The following RPTOR variants were observed in gnomAD, a reference collection of about 807,000 sequenced individuals.
RPTOR encodes the protein regulatory-associated protein of mTOR.
RPTOR carries 21 observed loss-of-function variants against 169.9 expected under a neutral mutation model. The observed-to-expected ratio is 0.12, with a 90% CI of 0.09 to 0.18. The LOEUF is 0.18. Among genes scored for constraint, RPTOR ranks in the 10% least tolerant of loss-of-function variants. The pLI is 1.00. For synonymous variants in RPTOR, 732 were observed against 753.2 expected, an observed-to-expected ratio of 0.97 and a Z score of 0.46; for missense variants, 1,133 against 1,855.9, an observed-to-expected ratio of 0.61 and a Z score of 7.16.
At chr17:80,942,961 G>A (rs1306819031) in intron 25 of RPTOR, among the ~76,000 whole-genome samples, 3 of 152,262 alleles carry the variant, frequency 2.0e-5, no homozygotes, top group African/African-American at 7.2e-5. Flanking sequence ...AGGGTAACAC[G>A]GTGCTGCCGC....
At chr17:80,753,064 C>G (rs574975231) in intron 5 of RPTOR, among the ~76,000 whole-genome samples, 1 of 152,298 alleles carries the variant, frequency 6.6e-6, no homozygotes, top group Admixed American at 6.5e-5. Context: ...AACACCTCAC[C>G]TTTCTCCCTG....
In RPTOR at chr17:80,844,524, C is replaced by G. The variant is rs956266354; in HGVS notation, c.1213-1949C>G. ...GTACTTAACGAGATTTTTTTTTAAC[C>G]AATTTATGAATAATTCACACTTGAA... On this transcript the variant is annotated intron_variant, in intron 10 of 33. Transcript: ENST00000306801. The surrounding 1 kb of genome is among the most constrained non-coding windows in gnomAD (Gnocchi z 4.7). Among the ~76,000 whole-genome samples, 2 of 152,048 alleles carry G rather than the reference C, an allele frequency of 1.3e-5. No homozygotes were observed. The highest frequency in any genetic ancestry group is 2.9e-5 in the Non-Finnish European group (2 of 68,016).
chr17:80,580,708 G>A (rs1340000387), intron 1 of RPTOR, among the ~76,000 whole-genome samples: 1 of 152,064 alleles, frequency 6.6e-6, no homozygotes. Context: ...CTGTAGCCTC[G>A]AACTCCTCAG....
rs2068213525 is a variant in RPTOR at position 80,883,970 on chromosome 17, G to A, written c.1840G>A (p.Glu614Lys). The A allele has an allele frequency of 3.1e-6, 5 of 1,607,080 alleles. No individual in the cohort carries two copies. Among genetic ancestry groups the A allele is most frequent in the Non-Finnish European group, 4.3e-6 (5 of 1,175,706 alleles). The change falls in exon 16 of 34, where the codon GAG becomes AAG. Residue 614 changes from glutamate to lysine, a missense_variant and splice_region_variant. This residue lies in a region of RPTOR where 289 missense variants were observed against 585.8 expected (regional missense o/e 0.49). Transcript: ENST00000306801. The stretch of plus-strand genomic sequence containing the variant: ...CAGCCTCCTCTCCGACCCCATTCCC[G>A]AGGTGAGTCAGGCGGGGGCTCAGAG... ...LYSLLSDPIP[E>K]VRCAAVFALG...
chr17:80,692,222 C>G (rs912178098), intron 3 of RPTOR, among the ~76,000 whole-genome samples: 2 of 152,166 alleles, frequency 1.3e-5, no homozygotes, highest in African/African-American at 4.8e-5. Context: ...AGCCATCCTC[C>G]CACCTCAGCC....
In RPTOR at chr17:80,892,992, C is replaced by G; in HGVS notation, c.2242+123C>G. On this transcript the variant is annotated intron_variant, in intron 19 of 33. Coordinates refer to ENST00000306801, the MANE Select transcript of RPTOR (RefSeq NM_020761.3). ...TCGTCTAAGTGCGTGCCCTGAAGTCCCATCTGCCAACATGGTGATGAGTCA... is the reference window on the plus strand; with the variant it reads ...TCGTCTAAGTGCGTGCCCTGAAGTCGCATCTGCCAACATGGTGATGAGTCA... 4.2e-6 allele frequency: 5 copies of G among 1,190,106 alleles called. 1 individual carries two copies. In the Middle Eastern group the frequency reaches 6.1e-4, roughly 145 times the overall value. The allele number at this position is 1,190,106 out of a possible 1,614,324, so 73.7% of individuals were successfully genotyped here.
intron 28 of RPTOR, among the ~76,000 whole-genome samples, chr17:80,951,432 C>T (rs185143926): frequency 6.9e-4 from 105 of 152,302 alleles, no homozygotes; most frequent in African/African-American, 2.4e-3. Context: ...TCAGGGGTCT[C>T]GGGGTCAGAG....
At chr17:80,814,622 C>CCATT (rs1379843309) in intron 7 of RPTOR, among the ~76,000 whole-genome samples, 7 of 152,132 alleles carry the variant, frequency 4.6e-5, no homozygotes, top group Non-Finnish European at 1.0e-4. Flanking sequence ...GGGGATTCAC[C>CCATT]CATTGGCTCA....
intron 3 of RPTOR, among the ~76,000 whole-genome samples, chr17:80,696,383 A>T (rs2066036452): frequency 6.6e-6 from 1 of 152,226 alleles, no homozygotes; most frequent in African/African-American, 2.4e-5. Flanking sequence ...CCCAATAAAA[A>T]TTTAACTCTG....
At chr17:80,885,204 C>G (rs2016817) in intron 17 of RPTOR, 56 bp downstream of exon 17, 3 of 1,533,144 alleles carry the variant, frequency 2.0e-6, no homozygotes, top group Non-Finnish European at 2.6e-6. Flanking sequence ...CCCCGTGACA[C>G]CTGGGGCCAA....
chr17:80,818,452 C>T (rs933815308), intron 7 of RPTOR, among the ~76,000 whole-genome samples: 3 of 152,158 alleles, frequency 2.0e-5, no homozygotes, highest in Non-Finnish European at 2.9e-5. Context: ...ATCTCAGTGG[C>T]CTCCCGAGTT....
At chr17:80,798,885 T>A (rs1598311541) in intron 7 of RPTOR, among the ~76,000 whole-genome samples, 1 of 152,166 alleles carries the variant, frequency 6.6e-6, no homozygotes, top group African/African-American at 2.4e-5. Flanking sequence ...GTTGTCTGGG[T>A]GACACCCCCG....
At chr17:80,572,983 G>T (rs2064923610) in intron 1 of RPTOR, among the ~76,000 whole-genome samples, 1 of 151,976 alleles carries the variant, frequency 6.6e-6, no homozygotes, top group African/African-American at 2.4e-5. Flanking sequence ...CTTTGTGTAT[G>T]GTTTAAGGTG....
chr17:80,892,138 G>A (rs1320864146), intron 18 of RPTOR, among the ~76,000 whole-genome samples: 1 of 152,090 alleles, frequency 6.6e-6, no homozygotes, highest in Non-Finnish European at 1.5e-5. Flanking sequence ...AAGCGCAGGG[G>A]CCGTCTTCCT....
intron 1 of RPTOR, among the ~76,000 whole-genome samples, chr17:80,570,464 AT>A (rs905449514): frequency 6.6e-6 from 1 of 151,542 alleles, no homozygotes; most frequent in Non-Finnish European, 1.5e-5. Flanking sequence ...TTTTATTTTT[AT>A]TTTTTATCTT....
In RPTOR at chr17:80,964,405, CGTCGGCTGCTGCGGCCCCGCAGTGTGAA is replaced by C; in HGVS notation, c.*76_*103del. On this transcript the variant is annotated 3_prime_UTR_variant, in exon 34 of 34. Coordinates refer to ENST00000306801, the MANE Select transcript of RPTOR (RefSeq NM_020761.3). The stretch of plus-strand genomic sequence containing the variant: ...AGCTGTCACTCGCCGGGGCACGGGG[CGTCGGCTGCTGCGGCCCCGCAGTGTGAA>C]CGTTGGCTGCTGCCTTAGCTGCTGA... The C allele has an allele frequency of 6.9e-7, 1 of 1,454,732 alleles. No individual in the cohort carries two copies. Among genetic ancestry groups the C allele is most frequent in the South Asian group, 1.1e-5 (1 of 87,944 alleles). The allele number at this position is 1,454,732 out of a possible 1,614,324, so 90.1% of individuals were successfully genotyped here.
intron 11 of RPTOR, among the ~76,000 whole-genome samples, chr17:80,849,176 A>G (rs2067765883): frequency 1.3e-5 from 2 of 152,320 alleles, no homozygotes; most frequent in Non-Finnish European, 1.5e-5. Context: ...TATTTTTGCC[A>G]AAGCCTGGGC....
intron 33 of RPTOR, among the ~76,000 whole-genome samples, chr17:80,963,418 C>A (rs1018976687): frequency 1.4e-5 from 2 of 139,626 alleles, no homozygotes; most frequent in East Asian, 2.1e-4. Context: ...GCCCTCACCC[C>A]GTCCCCTCTG....
intron 12 of RPTOR, 115 bp downstream of exon 12, chr17:80,855,662 C>G: frequency 1.2e-6 from 1 of 800,928 alleles, no homozygotes; most frequent in South Asian, 1.5e-5. Context: ...CCGTGAGACC[C>G]AGGGCGAGTG....
Sources: allele counts gnomAD v4.1 joint callset (sites outside exome capture counted in the v4.1 genomes callset), GRCh38; gene constraint gnomAD v4.1.1; regional missense constraint gnomAD v4.1.1; non-coding constraint Gnocchi (gnomAD v3.1); transcripts MANE v1.5; gene names NCBI Gene and HGNC (gene_info 2026-07-23, HGNC 2026-07-21).